RASA2: variants seen among roughly 807,000 people sequenced by gnomAD.
RASA2 encodes RAS p21 protein activator 2, also known as ras GTPase-activating protein 2.
RASA2 carries 155 observed loss-of-function variants against 118.2 expected under a neutral mutation model. The ratio of observed to expected loss-of-function variants is 1.31; its 90% CI spans 1.15 to 1.50. The LOEUF is 1.50. RASA2 is among the 40% of genes most tolerant of loss of function. The pLI is 0.00. For missense variants in RASA2, 1,016 were observed against 1,009.6 expected (o/e 1.01, Z -0.09); for synonymous variants, 353 against 349.1 (o/e 1.01, Z -0.12).
chr3:141,539,164 A>G (rs1023001594), intron 4 of RASA2, among the ~76,000 whole-genome samples: 1 of 152,188 alleles, frequency 6.6e-6, no homozygotes, highest in African/African-American at 2.4e-5. Context: ...GACCTTCAAG[A>G]TCACCCTTGA....
chr3:141,602,635 A>G (rs1369059588), intron 19 of RASA2, among the ~76,000 whole-genome samples: 10 of 152,146 alleles, frequency 6.6e-5, no homozygotes, highest in Admixed American at 1.3e-4. Flanking sequence ...TCTCTCTCTT[A>G]CTTACAGTGT....
At chr3:141,508,379 T>G (rs562582242) in intron 1 of RASA2, among the ~76,000 whole-genome samples, 31 of 148,814 alleles carry the variant, frequency 2.1e-4, no homozygotes, top group South Asian at 6.4e-4. Flanking sequence ...GTTTTTTGGG[T>G]TTTTTTTTTC....
In RASA2 at chr3:141,614,367, T is replaced by G. The variant is rs959662828; in HGVS notation, c.*2054T>G. The G allele has an allele frequency of 2.0e-5, 3 of 152,216 alleles. No homozygotes were observed. The highest frequency in any genetic ancestry group is 7.2e-5 in the African/African-American group (3 of 41,458). 9.4% of individuals were successfully genotyped at this position (152,216 alleles called of 1,614,324 possible). On this transcript the variant is annotated 3_prime_UTR_variant, in exon 24 of 24. Transcript: ENST00000286364. ...GGCACAGCCTAAAAAAGGAGTAATG[T>G]GAAATTAAATTATTTTTCTTTGAAA... is the stretch of plus-strand genomic sequence containing the variant.
chr3:141,588,685 A>G (rs1220299244), intron 19 of RASA2, among the ~76,000 whole-genome samples: 6 of 152,230 alleles, frequency 3.9e-5, no homozygotes, highest in African/African-American at 1.4e-4. Context: ...TGGCTTAACC[A>G]GAATGACTAC....
chr3:141,532,286 A>G (rs16851476), intron 4 of RASA2, among the ~76,000 whole-genome samples: 7,296 of 152,120 alleles, frequency 0.048, 583 homozygotes, highest in African/African-American at 0.17. Context: ...TGCCTTTACT[A>G]CCTTTCACCA....
At chr3:141,536,606 A>G (rs2082330682) in intron 4 of RASA2, among the ~76,000 whole-genome samples, 1 of 152,220 alleles carries the variant, frequency 6.6e-6, no homozygotes, top group Non-Finnish European at 1.5e-5. Context: ...AAAGACGTAT[A>G]ATACAGTGCA....
chr3:141,491,500 A>G (rs565623416), intron 1 of RASA2, among the ~76,000 whole-genome samples: 8 of 152,340 alleles, frequency 5.3e-5, no homozygotes, highest in Admixed American at 2.0e-4. Context: ...TGTCAGCACA[A>G]TGCCTAGAAC....
At chr3:141,534,372 AG>A (rs375075653) in intron 4 of RASA2, among the ~76,000 whole-genome samples, 6 of 151,694 alleles carry the variant, frequency 4.0e-5, no homozygotes, top group East Asian at 3.9e-4. Flanking sequence ...CCATCTTTAT[AG>A]GGGGGGGAAA....
intron 19 of RASA2, among the ~76,000 whole-genome samples, chr3:141,588,647 T>A (rs370268116): frequency 5.9e-5 from 9 of 151,954 alleles, no homozygotes; most frequent in African/African-American, 9.7e-5. Context: ...TAAGAAAAAA[T>A]TTTTATTTCA....
chr3:141,505,426 G>A (rs749470001), intron 1 of RASA2, among the ~76,000 whole-genome samples: 5 of 152,120 alleles, frequency 3.3e-5, no homozygotes, highest in African/African-American at 4.8e-5. Context: ...AATTGAGGAA[G>A]ACTTTGCAAA....
rs763111274 is a variant in RASA2 at position 141,608,587 on chromosome 3, A to C, written c.2115A>C (p.Arg705=). 6.2e-7 allele frequency: 1 copy of C among 1,613,972 alleles called. No individual in the cohort carries two copies. The highest frequency in any genetic ancestry group is 1.3e-5 in the African/African-American group (1 of 75,032). The change falls in exon 21 of 24, where the codon CGA becomes CGC. Residue 705 remains arginine, a synonymous_variant. Coordinates refer to ENST00000286364, the MANE Select transcript of RASA2 (RefSeq NM_006506.5). ...EWIDVLCRVS[R]CNQNRLSFYH... ...TAGACGTACTCTGCAGGGTGAGCCG[A>C]TGCAATCAAAACAGGCTCAGTTTTT...
intron 1 of RASA2, among the ~76,000 whole-genome samples, chr3:141,493,149 A>G (rs2081658889): frequency 6.6e-6 from 1 of 152,236 alleles, no homozygotes; most frequent in African/African-American, 2.4e-5. Context: ...CTAGAATGCT[A>G]TATGAGATTA....
At chr3:141,505,342 A>G (rs1041787627) in intron 1 of RASA2, among the ~76,000 whole-genome samples, 1 of 152,210 alleles carries the variant, frequency 6.6e-6, no homozygotes, top group African/African-American at 2.4e-5. Flanking sequence ...ACAAGTACAA[A>G]ACAATATGAT....
intron 21 of RASA2, 90 bp downstream of exon 21, chr3:141,608,787 A>G (rs2083589736): frequency 7.4e-7 from 1 of 1,355,118 alleles, no homozygotes; most frequent in Non-Finnish European, 1.0e-6. Flanking sequence ...AAGGAATGAC[A>G]TACTGATCCA....
chr3:141,504,017 A>T (rs2081825546), intron 1 of RASA2, among the ~76,000 whole-genome samples: 1 of 152,174 alleles, frequency 6.6e-6, no homozygotes, highest in Non-Finnish European at 1.5e-5. Context: ...TTTTTTGCCC[A>T]TGCCAAAGTT....
intron 17 of RASA2, among the ~76,000 whole-genome samples, chr3:141,585,034 A>T (rs775562151): frequency 8.5e-5 from 13 of 152,182 alleles, no homozygotes; most frequent in Non-Finnish European, 1.8e-4. Flanking sequence ...CAGATTAAGG[A>T]TGTTCAACCT....
At position 141,516,369 on chromosome 3, in the gene RASA2, C is replaced by G; in HGVS notation, c.293C>G (p.Thr98Ser). ...GAATTTTACTTTGAGATTCCAAGAA[C>G]TTTCCAGTATTTGTCTTTCTATGTT... ...SEEFYFEIPRTFQYLSFYVYD... is the reference protein window; with the variant it reads ...SEEFYFEIPRSFQYLSFYVYD... Residue 98 changes from threonine to serine, a missense_variant, in exon 3 of 24, where the codon ACT (threonine) becomes AGT (serine). By Grantham distance (58) the Thr-to-Ser change is moderately conservative. Transcript: ENST00000286364. 6.4e-7 allele frequency: 1 copy of G among 1,567,666 alleles called. No individual in the cohort carries two copies. The highest frequency in any genetic ancestry group is 8.6e-7 in the Non-Finnish European group (1 of 1,157,214).
At chr3:141,530,024 G>C (rs899542179) in intron 4 of RASA2, among the ~76,000 whole-genome samples, 1 of 151,906 alleles carries the variant, frequency 6.6e-6, no homozygotes, top group Non-Finnish European at 1.5e-5. Context: ...GATTTGTGGA[G>C]ATTAGGGCAT....
At position 141,547,230 on chromosome 3, in the gene RASA2, T is replaced by C. The variant is rs190384249; in HGVS notation, c.527+6621T>C. 2.6e-5 allele frequency among the ~76,000 whole-genome samples: 4 copies of C among 152,282 alleles called. No individual in the cohort carries two copies. The East Asian group carries it at 7.7e-4, about 29-fold the overall frequency. ...TTTTGGGATTTTTTTTTTCTATTTC[T>C]GTGAAGAATGACATTGGTATTTCAG... On this transcript the variant is annotated intron_variant, in intron 5 of 23. Transcript: ENST00000286364.
Sources: allele counts gnomAD v4.1 joint callset (sites outside exome capture counted in the v4.1 genomes callset), GRCh38; gene constraint gnomAD v4.1.1; transcripts MANE v1.5; gene names NCBI Gene and HGNC (gene_info 2026-07-23, HGNC 2026-07-21).